Variants in SBNO1 observed in about 807,000 individuals in gnomAD.
The protein encoded by SBNO1 is strawberry notch homolog 1, also known as protein strawberry notch homolog 1.
In SBNO1, 23 loss-of-function variants were observed where a neutral mutation model predicts 173.6. The ratio of observed to expected loss-of-function variants is 0.13; its 90% CI spans 0.10 to 0.19. The LOEUF is 0.19. SBNO1 is among the 10% of genes least tolerant of loss of function. The pLI is 1.00. For missense variants in SBNO1, 1,238 were observed against 1,671.2 expected, an observed-to-expected ratio of 0.74 and a Z score of 4.52; for synonymous variants, 632 against 571.5, an observed-to-expected ratio of 1.11 and a Z score of -1.51.
At chr12:123,313,201 AAAATAAATAAATAAAT>A (rs370130754) in intron 24 of SBNO1, among the ~76,000 whole-genome samples, 5,030 of 138,320 alleles carry the variant, frequency 0.036, 106 homozygotes, top group Non-Finnish European at 0.046. Context: ...ACTCGGTCTT[AAAATAAATAAATAAAT>A]AAATAAATAA....
At chr12:123,327,340 G>A in intron 13 of SBNO1, 86 bp downstream of exon 13, 1 of 1,077,320 alleles carries the variant, frequency 9.3e-7, no homozygotes, top group Non-Finnish European at 1.4e-6. Context: ...CATTCCCATG[G>A]GCAGGAGGCA....
chr12:123,299,534 T>A (rs1334843261), intron 30 of SBNO1, among the ~76,000 whole-genome samples: 26 of 126,150 alleles, frequency 2.1e-4, no homozygotes, highest in East Asian at 5.0e-4. Context: ...ACAAAAAATT[T>A]GCAGGGTGTG....
At chr12:123,354,161 T>A (rs543243178) in intron 1 of SBNO1, among the ~76,000 whole-genome samples, 5 of 152,130 alleles carry the variant, frequency 3.3e-5, no homozygotes, top group Non-Finnish European at 7.3e-5. Flanking sequence ...CGGTTATAAA[T>A]AACATTATCG....
At chr12:123,336,367 A>C in intron 6 of SBNO1, 28 bp downstream of exon 6, 1 of 1,341,124 alleles carries the variant, frequency 7.5e-7, no homozygotes. Context: ...ACTTTGATGT[A>C]AATATCTGAC....
intron 1 of SBNO1, among the ~76,000 whole-genome samples, chr12:123,359,168 C>T (rs1057289402): frequency 4.6e-5 from 7 of 151,746 alleles, no homozygotes; most frequent in African/African-American, 9.7e-5. Flanking sequence ...CTCCCGACCT[C>T]GTGATCAGCC....
At chr12:123,355,055 C>G (rs1241040547) in intron 1 of SBNO1, among the ~76,000 whole-genome samples, 2 of 151,898 alleles carry the variant, frequency 1.3e-5, no homozygotes, top group African/African-American at 4.8e-5. Context: ...GAGTCTTGCT[C>G]TGTCGCCCAG....
chr12:123,319,310 C>CA (rs1389698625), intron 20 of SBNO1, among the ~76,000 whole-genome samples: 5 of 151,906 alleles, frequency 3.3e-5, no homozygotes. Context: ...CAAAAGCCTC[C>CA]AAAGCACTCA....
chr12:123,317,987 G>A (rs2029982799), intron 20 of SBNO1, among the ~76,000 whole-genome samples: 1 of 151,816 alleles, frequency 6.6e-6, no homozygotes, highest in African/African-American at 2.4e-5. Flanking sequence ...TTTGAGACAG[G>A]GTCTCACTCT....
At chr12:123,315,802 A>C in intron 21 of SBNO1, 142 bp from the exon 22 acceptor site, 1 of 597,642 alleles carries the variant, frequency 1.7e-6, no homozygotes, top group Non-Finnish European at 3.0e-6. Context: ...TAAAATTACC[A>C]TAACACACAT....
chr12:123,324,044 CTTAAA>C (rs1313648739), intron 15 of SBNO1, among the ~76,000 whole-genome samples: 3 of 151,942 alleles, frequency 2.0e-5, no homozygotes, highest in Non-Finnish European at 4.4e-5. Context: ...TTTCTGGTAG[CTTAAA>C]TTAAAAAAGT....
chr12:123,355,851 C>T (rs1490806878), intron 1 of SBNO1, among the ~76,000 whole-genome samples: 1 of 152,100 alleles, frequency 6.6e-6, no homozygotes, highest in African/African-American at 2.4e-5. Flanking sequence ...CCTATGAAAA[C>T]TTCTATGATA....
At chr12:123,323,631 GGT>G (rs1188113446) in intron 16 of SBNO1, 47 bp downstream of exon 16, 2 of 1,466,522 alleles carry the variant, frequency 1.4e-6, no homozygotes, top group Non-Finnish European at 1.8e-6. Flanking sequence ...TGGGATTACA[GGT>G]GTGAGCCACC....
At position 123,336,471 on chromosome 12, in the gene SBNO1, T is replaced by C. The variant is rs781677064; in HGVS notation, c.672A>G (p.Glu224=). The C allele has an allele frequency of 6.2e-7, 1 of 1,612,424 alleles. No homozygotes were observed. Among genetic ancestry groups the C allele is most frequent in the South Asian group, 1.1e-5 (1 of 90,800 alleles). The change falls in exon 6 of 32, where the codon GAA becomes GAG. Residue 224 remains glutamate (E), a synonymous_variant. Transcript: ENST00000602398. ...CATCTTCTTCCTCTGGTTCATCATC[T>C]TCTTTTACAACAGGAACCTTCTGCA... is the stretch of plus-strand genomic sequence containing the variant. The part of the protein sequence containing the change: ...SPTMKVPVVK[E]DDEPEEEDEE...
In SBNO1 at chr12:123,321,526, T is replaced by G; in HGVS notation, c.2323+9A>C. 6.3e-7 allele frequency: 1 copy of G among 1,588,378 alleles called. No individual in the cohort carries two copies. Among genetic ancestry groups the G allele is most frequent in the Non-Finnish European group, 8.6e-7 (1 of 1,156,566 alleles). Reference sequence around the variant, plus strand: ...ATGCTTTCGTGTATATTTAATATACTGAACTTACCATTTTCATCATCCTCA... The same window carrying G: ...ATGCTTTCGTGTATATTTAATATACGGAACTTACCATTTTCATCATCCTCA... On this transcript the variant is annotated intron_variant, in intron 17 of 31. Coordinates refer to ENST00000602398, the MANE Select transcript of SBNO1 (RefSeq NM_001167856.3).
In SBNO1 at chr12:123,345,278, T is replaced by G. The variant is rs1872999300; in HGVS notation, c.530A>C (p.Gln177Pro). Residue 177 changes from glutamine (Q) to proline (P), a missense_variant, in exon 4 of 32, where the codon CAG becomes CCG. Coordinates refer to ENST00000602398, the MANE Select transcript of SBNO1 (RefSeq NM_001167856.3). ...MKLKPPANIA[Q>P]PVATAATDVS... ...CTTACTAGCTGCTGTTGCTACTGGCTGAGCAATATTAGCAGGTGGCTTTAG... is the reference window on the plus strand; with the variant it reads ...CTTACTAGCTGCTGTTGCTACTGGCGGAGCAATATTAGCAGGTGGCTTTAG... 1 of 1,613,694 alleles carries G rather than the reference T, an allele frequency of 6.2e-7. No individual in the cohort carries two copies. The highest frequency in any genetic ancestry group is 1.1e-5 in the South Asian group (1 of 91,074).
rs754591630 is a variant in SBNO1, at chr12:123,324,234, T to C, written c.1974-403A>G. ...TCATTTCAACTGCTCAATAGCCACATGTGACAAGCGGCTGCCATTCTGGAC... is the reference window on the plus strand; with the variant it reads ...TCATTTCAACTGCTCAATAGCCACACGTGACAAGCGGCTGCCATTCTGGAC... On this transcript the variant is annotated intron_variant, in intron 15 of 31. Coordinates refer to ENST00000602398, the MANE Select transcript of SBNO1 (RefSeq NM_001167856.3). 3.3e-5 allele frequency among the ~76,000 whole-genome samples: 5 copies of C among 151,604 alleles called. No individual in the cohort carries two copies. In the South Asian group the frequency reaches 8.3e-4, roughly 25 times the overall value.
intron 15 of SBNO1, 27 bp from the exon 16 acceptor site, chr12:123,323,858 C>T (rs748721659): frequency 6.5e-7 from 1 of 1,537,566 alleles, no homozygotes; most frequent in South Asian, 1.3e-5. Flanking sequence ...GTGACAATTA[C>T]TGCTTCAGTT....
intron 20 of SBNO1, among the ~76,000 whole-genome samples, chr12:123,318,751 AAAAG>A (rs1869601562): frequency 6.6e-6 from 1 of 151,792 alleles, no homozygotes; most frequent in South Asian, 2.1e-4. Flanking sequence ...AAAAAAAAAA[AAAAG>A]AGTCTCTGGA....
chr12:123,364,650 T>A, intron 1 of SBNO1, 51 bp downstream of exon 1: 1 of 979,776 alleles, frequency 1.0e-6, no homozygotes, highest in Non-Finnish European at 1.2e-6. Flanking sequence ...AGTGGGAGGC[T>A]GTCCGGGAGG....
Sources: gnomAD v4.1 joint callset for allele counts (sites outside exome capture counted in the v4.1 genomes callset) on GRCh38, gnomAD v4.1.1 for gene constraint, MANE v1.5 for transcripts, NCBI Gene and HGNC (gene_info 2026-07-23, HGNC 2026-07-21) for gene names.